Variants in RFTN1 observed in about 807,000 individuals in gnomAD.
RFTN1 encodes raftlin, lipid raft linker 1.
RFTN1 carries 26 observed loss-of-function variants against 46.5 expected under a neutral mutation model. The ratio of observed to expected loss-of-function variants is 0.56; its 90% confidence interval spans 0.41 to 0.78. The LOEUF (loss-of-function observed/expected upper bound fraction) is 0.78. Ranked by LOEUF, RFTN1 falls within the 30% of genes least tolerant of loss-of-function variation. RFTN1 has a pLI of 0.00. For synonymous variants in RFTN1, 261 were observed against 284.2 expected, an observed-to-expected ratio of 0.92 and a Z score of 0.82; for missense variants, 693 against 718.7, an observed-to-expected ratio of 0.96 and a Z score of 0.41.
At chr3:16,435,947 A>ATATATAT (rs1170115976) in intron 2 of RFTN1, among the ~76,000 whole-genome samples, 4 of 136,104 alleles carry the variant, frequency 2.9e-5, no homozygotes, top group African/African-American at 1.2e-4. Context: ...TATATATATC[A>ATATATAT]CACACATATG....
Position 16,421,062 on chromosome 3 carries a change from G to GA in RFTN1, c.333-11580dup, listed in dbSNP as rs1402607056. Among the ~76,000 whole-genome samples the GA allele has an allele frequency of 6.6e-6, 1 of 152,044 alleles. No homozygotes were observed. Among genetic ancestry groups the GA allele is most frequent in the Non-Finnish European group, 1.5e-5 (1 of 67,996 alleles). ...ATTTTTCTGATCACACAGCGTGCCA[G>GA]AAAAAAATTCCTGAGTACCACTGTA... On this transcript the variant is annotated intron_variant, in intron 3 of 9. Coordinates refer to ENST00000334133, the MANE Select transcript of RFTN1 (RefSeq NM_015150.2). This position sits in a 1 kb window ranked among gnomAD's most constrained non-coding sequence, Gnocchi z 4.6.
chr3:16,509,870 G>A lies in RFTN1; in HGVS notation c.-9+3572C>T, dbSNP rs1335626347. Among the ~76,000 whole-genome samples, 3 of 152,198 alleles carry A rather than the reference G, an allele frequency of 2.0e-5. No individual in the cohort carries two copies. Among genetic ancestry groups the A allele is most frequent in the Non-Finnish European group, 2.9e-5 (2 of 68,042 alleles). Reference sequence around the variant, plus strand: ...GAGGAGGGAACAGTCCCCAAACACAGTGCAATGTCTCAAGACTGAGCTGTC... The same window carrying A: ...GAGGAGGGAACAGTCCCCAAACACAATGCAATGTCTCAAGACTGAGCTGTC... On this transcript the variant is annotated intron_variant, in intron 1 of 9. Coordinates refer to ENST00000334133, the MANE Select transcript of RFTN1 (RefSeq NM_015150.2). This position sits in a 1 kb window ranked among gnomAD's most constrained non-coding sequence, Gnocchi z 4.9.
At position 16,426,219 on chromosome 3, in the gene RFTN1, C is replaced by T. The variant is rs1225552916; in HGVS notation, c.332+7632G>A. On this transcript the variant is annotated intron_variant, in intron 3 of 9. Transcript: ENST00000334133. The surrounding 1 kb of genome is among the most constrained non-coding windows in gnomAD (Gnocchi z 5.9). ...ACTCTAGGGCTGATCCTCGGCCTCG[C>T]GTGTGAACATTTTCTAGGGCACACC... is the stretch of plus-strand genomic sequence containing the variant. Among the ~76,000 whole-genome samples the T allele has an allele frequency of 6.6e-6, 1 of 152,142 alleles. No individual in the cohort carries two copies. Among genetic ancestry groups the T allele is most frequent in the African/African-American group, 2.4e-5 (1 of 41,438 alleles).
Position 16,316,825 on chromosome 3 carries a change from G to A in RFTN1, c.*3C>T, listed in dbSNP as rs1302332135. ...CCTAGTTTTAGCACAAATTGCCCAA[G>A]ACTCAGTTTTCTTCAACCGTACCAA... On this transcript the variant is annotated 3_prime_UTR_variant, in exon 10 of 10. Coordinates refer to ENST00000334133, the MANE Select transcript of RFTN1 (RefSeq NM_015150.2). This position sits in a 1 kb window ranked among gnomAD's most constrained non-coding sequence, Gnocchi z 4.5. 1.2e-6 allele frequency: 2 copies of A among 1,613,536 alleles called. No individual in the cohort carries two copies. The highest frequency in any genetic ancestry group is 2.2e-5 in the East Asian group (1 of 44,888).
At position 16,382,968 on chromosome 3, in the gene RFTN1, C is replaced by A. The variant is rs573343812; in HGVS notation, c.442-4866G>T. Among the ~76,000 whole-genome samples, 11 of 152,202 alleles carry A rather than the reference C, an allele frequency of 7.2e-5. No individual in the cohort carries two copies. Among genetic ancestry groups the A allele is most frequent in the Non-Finnish European group, 1.5e-4 (10 of 68,032 alleles). On this transcript the variant is annotated intron_variant, in intron 4 of 9. Transcript: ENST00000334133. The surrounding 1 kb of genome is among the most constrained non-coding windows in gnomAD (Gnocchi z 4.7). ...CACAGACTCCCACGCATGCCCACAA[C>A]ATCTCTAACAACAGCGATTACAGGA...
chr3:16,369,614 G>T (rs914005009), intron 6 of RFTN1, among the ~76,000 whole-genome samples: 6 of 152,234 alleles, frequency 3.9e-5, no homozygotes, highest in African/African-American at 1.4e-4. Flanking sequence ...TGGGAACAGT[G>T]TGTGTCTCAG....
At position 16,352,860 on chromosome 3, in the gene RFTN1, G is replaced by A. The variant is rs1265510365; in HGVS notation, c.1146+5072C>T. 6.6e-6 allele frequency among the ~76,000 whole-genome samples: 1 copy of A among 152,244 alleles called. No homozygotes were observed. The highest frequency in any genetic ancestry group is 1.5e-5 in the Non-Finnish European group (1 of 68,046). Reference sequence around the variant, plus strand: ...TTCACATAGTCTGTCACTCAGCTTGGAATCAGAGAGGCAGGATGCACACTC... The same window carrying A: ...TTCACATAGTCTGTCACTCAGCTTGAAATCAGAGAGGCAGGATGCACACTC... On this transcript the variant is annotated intron_variant, in intron 7 of 9. Coordinates refer to ENST00000334133, the MANE Select transcript of RFTN1 (RefSeq NM_015150.2). This position sits in a 1 kb window ranked among gnomAD's most constrained non-coding sequence, Gnocchi z 4.6.
intron 2 of RFTN1, among the ~76,000 whole-genome samples, chr3:16,487,112 C>T (rs1376702408): frequency 6.6e-6 from 1 of 152,176 alleles, no homozygotes; most frequent in African/African-American, 2.4e-5. Flanking sequence ...TTCCAGCCTC[C>T]AGAACTATGA....
At chr3:16,431,236 G>A (rs894612179) in intron 3 of RFTN1, among the ~76,000 whole-genome samples, 4 of 152,198 alleles carry the variant, frequency 2.6e-5, no homozygotes, top group Non-Finnish European at 4.4e-5. Flanking sequence ...GGTGCTTACA[G>A]CTCTCCTAGG....
At chr3:16,375,287 G>C (rs1364872295) in intron 5 of RFTN1, among the ~76,000 whole-genome samples, 1 of 152,108 alleles carries the variant, frequency 6.6e-6, no homozygotes, top group East Asian at 1.9e-4. Context: ...TGGGGGTCAG[G>C]TGAGGGTCAC....
chr3:16,357,722 T>A (rs1451648031), intron 7 of RFTN1, among the ~76,000 whole-genome samples: 3 of 152,152 alleles, frequency 2.0e-5, no homozygotes, highest in African/African-American at 7.2e-5. Context: ...GTGCTTTTCT[T>A]GCAGAAAGGG....
At position 16,320,318 on chromosome 3, in the gene RFTN1, T is replaced by A. The variant is rs565625067; in HGVS notation, c.1332+3058A>T. 6.6e-6 allele frequency among the ~76,000 whole-genome samples: 1 copy of A among 152,318 alleles called. No homozygotes were observed. The highest frequency in any genetic ancestry group is 1.9e-4 in the East Asian group (1 of 5,186). On this transcript the variant is annotated intron_variant, in intron 9 of 9. Coordinates refer to ENST00000334133, the MANE Select transcript of RFTN1 (RefSeq NM_015150.2). The surrounding 1 kb of genome is among the most constrained non-coding windows in gnomAD (Gnocchi z 4.5). ...AGTCCTGATTAGAAAAATCTATCCATGTTGCTGATTAAAAGAAGACTAAAT... is the reference window on the plus strand; with the variant it reads ...AGTCCTGATTAGAAAAATCTATCCAAGTTGCTGATTAAAAGAAGACTAAAT...
chr3:16,395,009 G>GA (rs960890096), intron 4 of RFTN1, among the ~76,000 whole-genome samples: 3 of 151,624 alleles, frequency 2.0e-5, no homozygotes, highest in East Asian at 1.9e-4. Context: ...AATAATACAT[G>GA]AAAAAAAAGT....
intron 3 of RFTN1, among the ~76,000 whole-genome samples, chr3:16,417,674 G>C (rs536959652): frequency 6.6e-6 from 1 of 152,284 alleles, no homozygotes; most frequent in Admixed American, 6.5e-5. Flanking sequence ...CAGGGGAAGG[G>C]TCAGATGGCC....
intron 2 of RFTN1, among the ~76,000 whole-genome samples, chr3:16,471,434 A>C (rs981577629): frequency 6.6e-6 from 1 of 152,148 alleles, no homozygotes; most frequent in African/African-American, 2.4e-5. Flanking sequence ...GAAAATATCA[A>C]TATTAATGGT....
intron 2 of RFTN1, among the ~76,000 whole-genome samples, chr3:16,482,469 G>A (rs936798707): frequency 6.6e-6 from 1 of 152,242 alleles, no homozygotes; most frequent in East Asian, 1.9e-4. Context: ...TTGAATGACC[G>A]ATCACAGCCA....
intron 6 of RFTN1, among the ~76,000 whole-genome samples, chr3:16,366,789 C>A (rs62236265): frequency 0.046 from 7,042 of 152,256 alleles, 182 homozygotes; most frequent in Middle Eastern, 0.12. Context: ...AGACCAGCAC[C>A]CACACAAAGC....
chr3:16,357,114 CAAAAAAAAA>C (rs10563071), intron 7 of RFTN1, among the ~76,000 whole-genome samples: 8,069 of 133,578 alleles, frequency 0.06, 722 homozygotes, highest in African/African-American at 0.21. Flanking sequence ...GATGCCATCT[CAAAAAAAAA>C]AAAAACAAAA....
rs2071706921 is a variant in RFTN1, at chr3:16,346,193, A to G, written c.1146+11739T>C. ...GGGTGCACATTCATTTTTAATGACT[A>G]CACACCTTCCCTTGACTAAATGGAA... On this transcript the variant is annotated intron_variant, in intron 7 of 9. Coordinates refer to ENST00000334133, the MANE Select transcript of RFTN1 (RefSeq NM_015150.2). This position sits in a 1 kb window ranked among gnomAD's most constrained non-coding sequence, Gnocchi z 4.4. 6.6e-6 allele frequency: 1 copy of G among 152,188 alleles called. No homozygotes were observed. Among genetic ancestry groups the G allele is most frequent in the East Asian group, 1.9e-4 (1 of 5,194 alleles). 9.4% of individuals were successfully genotyped at this position (152,188 alleles called of 1,614,324 possible). A position where few individuals can be genotyped will look rare whatever the true frequency, so the allele number is the denominator to read the frequency against.
Sources: gnomAD v4.1 joint callset for allele counts (sites outside exome capture counted in the v4.1 genomes callset) on GRCh38, gnomAD v4.1.1 for gene constraint, Gnocchi (gnomAD v3.1) non-coding constraint, MANE v1.5 for transcripts, NCBI Gene and HGNC (gene_info 2026-07-23, HGNC 2026-07-21) for gene names.